Variants in GRID1 observed in about 807,000 individuals in gnomAD.
GRID1 encodes glutamate receptor ionotropic, delta-1.
Under a neutral mutation model 98.0 loss-of-function variants are expected in GRID1, and 28 were observed. That is an observed-to-expected ratio of 0.29 (90% CI 0.21 to 0.39). The LOEUF is 0.39. GRID1 is among the 10% of genes least tolerant of loss of function. The pLI is 1.00. For missense variants in GRID1, 1,111 were observed against 1,340.5 expected (o/e 0.83, Z 2.67); for synonymous variants, 553 against 538.5 (o/e 1.03, Z -0.37).
chr10:86,254,038 C>A (rs1391486779), intron 2 of GRID1, among the ~76,000 whole-genome samples: 1 of 152,162 alleles, frequency 6.6e-6, no homozygotes, highest in Admixed American at 6.5e-5. Flanking sequence ...ACCGCCACCC[C>A]CTTCCCTTGC....
intron 4 of GRID1, among the ~76,000 whole-genome samples, chr10:86,019,768 T>C (rs73342194): frequency 0.028 from 4,304 of 152,308 alleles, 223 homozygotes; most frequent in African/African-American, 0.098. Context: ...AAGCCAGGTC[T>C]TCATGGGCCA....
intron 2 of GRID1, among the ~76,000 whole-genome samples, chr10:86,287,974 T>C (rs891534145): frequency 6.6e-6 from 1 of 152,084 alleles, no homozygotes; most frequent in African/African-American, 2.4e-5. Flanking sequence ...CATGCAGGCC[T>C]AGCACCACCC....
intron 13 of GRID1, 120 bp from the exon 14 acceptor site, chr10:85,620,153 C>A: frequency 1.4e-6 from 1 of 732,048 alleles, no homozygotes; most frequent in Non-Finnish European, 2.3e-6. Context: ...TCCTACCCAC[C>A]AGACAGCACA....
intron 2 of GRID1, among the ~76,000 whole-genome samples, chr10:86,243,990 C>T (rs554296400): frequency 2.6e-5 from 4 of 152,218 alleles, no homozygotes; most frequent in Admixed American, 6.5e-5. Context: ...CTTGTGTGCA[C>T]TGTGTGTACA....
intron 8 of GRID1, among the ~76,000 whole-genome samples, chr10:85,753,631 G>A (rs1194062562): frequency 2.0e-5 from 3 of 152,148 alleles, no homozygotes; most frequent in Non-Finnish European, 4.4e-5. Flanking sequence ...TTCAGTTGTG[G>A]GATACTCCAT....
rs1015890307 is a variant in GRID1, at chr10:85,831,961, A to C, written c.1233+22535T>G. ...AAAATAAATAAGAACAAAGATTAAT[A>C]AAAATTTTAAACAAAACAAAGTAAT... On this transcript the variant is annotated intron_variant, in intron 8 of 15. Coordinates refer to ENST00000327946, the MANE Select transcript of GRID1 (RefSeq NM_017551.3). Among the ~76,000 whole-genome samples the C allele has an allele frequency of 2.0e-5, 3 of 152,094 alleles. No individual in the cohort carries two copies. In the East Asian group the frequency reaches 5.8e-4, roughly 29 times the overall value.
intron 2 of GRID1, among the ~76,000 whole-genome samples, chr10:86,222,261 A>G (rs759778008): frequency 6.6e-6 from 1 of 152,190 alleles, no homozygotes; most frequent in Non-Finnish European, 1.5e-5. Context: ...AGCTAGGACA[A>G]GAACTCAGGG....
At chr10:85,612,476 A>G (rs1309584173) in intron 15 of GRID1, among the ~76,000 whole-genome samples, 1 of 152,176 alleles carries the variant, frequency 6.6e-6, no homozygotes, top group Non-Finnish European at 1.5e-5. Flanking sequence ...ACAAAACAGA[A>G]GTGCTTTTGG....
intron 2 of GRID1, among the ~76,000 whole-genome samples, chr10:86,309,312 A>G (rs964393105): frequency 4.6e-5 from 7 of 152,216 alleles, no homozygotes; most frequent in Non-Finnish European, 7.3e-5. Flanking sequence ...CCCCCTCCTT[A>G]TACTAATGAT....
At chr10:85,847,695 G>A (rs1264786047) in intron 8 of GRID1, among the ~76,000 whole-genome samples, 2 of 151,238 alleles carry the variant, frequency 1.3e-5, no homozygotes, top group East Asian at 3.9e-4. Context: ...ATCCATCCCA[G>A]TTAGATGGTA....
Position 85,637,142 on chromosome 10 carries a change from T to C in GRID1, c.2193+10060A>G, listed in dbSNP as rs188423796. ...ACCACATTGTCAGAAAAATGCAGGA[T>C]GAAATATTTTTATAGCATTATAATT... On this transcript the variant is annotated intron_variant, in intron 13 of 15. Coordinates refer to ENST00000327946, the MANE Select transcript of GRID1 (RefSeq NM_017551.3). 6.6e-5 allele frequency among the ~76,000 whole-genome samples: 10 copies of C among 152,332 alleles called. No homozygotes were observed. In the East Asian group the frequency reaches 1.7e-3, roughly 26 times the overall value.
chr10:85,949,470 T>C (rs1410534670), intron 4 of GRID1, among the ~76,000 whole-genome samples: 1 of 152,242 alleles, frequency 6.6e-6, no homozygotes. Context: ...ACCTAATCCA[T>C]TCTTTTGGGA....
At chr10:86,014,163 C>T (rs920317930) in intron 4 of GRID1, among the ~76,000 whole-genome samples, 1 of 152,320 alleles carries the variant, frequency 6.6e-6, no homozygotes, top group South Asian at 2.1e-4. Flanking sequence ...CAGGATTTAA[C>T]ATGACTCCAC....
In GRID1 at chr10:86,151,001, G is replaced by A. The variant is rs756344763; in HGVS notation, c.521-11977C>T. Among the ~76,000 whole-genome samples, 6 of 152,162 alleles carry A rather than the reference G, an allele frequency of 3.9e-5. No individual in the cohort carries two copies. In the East Asian group the frequency reaches 5.8e-4, roughly 15 times the overall value. ...GCCCAAGCTGACTAGCACACAGCAC[G>A]TCTTATCCAGGTCTGACTTCTAGCC... On this transcript the variant is annotated intron_variant, in intron 3 of 15. Transcript: ENST00000327946.
At chr10:86,215,056 A>C (rs1485573325) in intron 2 of GRID1, among the ~76,000 whole-genome samples, 1 of 152,182 alleles carries the variant, frequency 6.6e-6, no homozygotes. Flanking sequence ...ACTCCTTCTA[A>C]GGAGGGGTTC....
chr10:85,771,030 C>T (rs887532863), intron 8 of GRID1, among the ~76,000 whole-genome samples: 1 of 152,128 alleles, frequency 6.6e-6, no homozygotes, highest in African/African-American at 2.4e-5. Context: ...TCAGATTCAC[C>T]AAAGTTGAAA....
intron 6 of GRID1, among the ~76,000 whole-genome samples, chr10:85,859,555 T>A (rs1441796920): frequency 6.6e-6 from 1 of 152,220 alleles, no homozygotes; most frequent in Non-Finnish European, 1.5e-5. Context: ...CCTCCAACTT[T>A]GACTTTGGAC....
At chr10:86,160,914 G>A (rs766986309) in intron 3 of GRID1, among the ~76,000 whole-genome samples, 24 of 152,242 alleles carry the variant, frequency 1.6e-4, no homozygotes, top group Non-Finnish European at 2.9e-4. Flanking sequence ...CACGCTCAGT[G>A]TGCTGGAAAC....
At chr10:86,328,146 T>C (rs1240375666) in intron 2 of GRID1, among the ~76,000 whole-genome samples, 2 of 152,076 alleles carry the variant, frequency 1.3e-5, no homozygotes, top group African/African-American at 4.8e-5. Context: ...GTGCAGTAAA[T>C]AGGTGTAGTC....
Sources: gnomAD v4.1 joint callset for allele counts (sites outside exome capture counted in the v4.1 genomes callset) on GRCh38, gnomAD v4.1.1 for gene constraint, MANE v1.5 for transcripts, NCBI Gene and HGNC (gene_info 2026-07-23, HGNC 2026-07-21) for gene names.